Variants in WDR25 observed in about 807,000 individuals in gnomAD.
The protein encoded by WDR25 is WD repeat-containing protein 25.
A neutral mutation model predicts 47.7 loss-of-function variants in WDR25; 35 were observed. The ratio of observed to expected loss-of-function variants is 0.73; its 90% CI spans 0.56 to 0.97. WDR25 has a LOEUF of 0.97. Among genes scored for constraint, WDR25 ranks in the 50% least tolerant of loss-of-function variants. The pLI, the probability that WDR25 is intolerant of heterozygous loss-of-function variation, is 0.00. For missense variants in WDR25, 634 were observed against 704.7 expected (o/e 0.90, Z 1.14); for synonymous variants, 248 against 278.9 (o/e 0.89, Z 1.10).
In WDR25 at chr14:100,449,394, G is replaced by A. The variant is rs960925465; in HGVS notation, c.823-18627G>A. ...AGACAGCCTGGCACTGGCCTGTGGC[G>A]GTTGCCATGGCAGCAGGACATGAGC... On this transcript the variant is annotated intron_variant, in intron 2 of 6. Coordinates refer to ENST00000402312, the MANE Select transcript of WDR25 (RefSeq NM_001161476.3). This position sits in a 1 kb window ranked among gnomAD's most constrained non-coding sequence, Gnocchi z 4.2. Among the ~76,000 whole-genome samples the A allele has an allele frequency of 5.3e-5, 8 of 152,202 alleles. No individual in the cohort carries two copies. Among genetic ancestry groups the A allele is most frequent in the Admixed American group, 2.6e-4 (4 of 15,286 alleles).
intron 4 of WDR25, among the ~76,000 whole-genome samples, chr14:100,487,137 A>T (rs1900413800): frequency 6.6e-6 from 1 of 152,126 alleles, no homozygotes; most frequent in Admixed American, 6.5e-5. Flanking sequence ...TATTCCTTTG[A>T]CTCAGGGTGT....
rs73347385 is a variant in WDR25 at position 100,429,574 on chromosome 14, A to G, written c.823-38447A>G. 4.9e-3 allele frequency among the ~76,000 whole-genome samples: 747 copies of G among 152,206 alleles called. 10 individuals are homozygous for G. Among genetic ancestry groups the G allele is most frequent in the African/African-American group, 0.017 (702 of 41,518 alleles). ...AAAATCAAGGATTCAACCCCATAAT[A>G]TAGGTGACACTGCTTGTCTTAGTCT... On this transcript the variant is annotated intron_variant, in intron 2 of 6. Transcript: ENST00000402312.
At chr14:100,382,501 G>A (rs1339880274) in intron 2 of WDR25, among the ~76,000 whole-genome samples, 1 of 152,144 alleles carries the variant, frequency 6.6e-6, no homozygotes, top group Non-Finnish European at 1.5e-5. Context: ...TGCCCTTCTG[G>A]GGACTTCTGG....
At chr14:100,491,067 C>T (rs917726740) in intron 4 of WDR25, among the ~76,000 whole-genome samples, 2 of 152,160 alleles carry the variant, frequency 1.3e-5, no homozygotes, top group Middle Eastern at 3.2e-3. Context: ...CGTGGTGGAG[C>T]CCCTGATGAT....
At chr14:100,429,596 G>C (rs1048127375) in intron 2 of WDR25, among the ~76,000 whole-genome samples, 3 of 152,146 alleles carry the variant, frequency 2.0e-5, no homozygotes, top group African/African-American at 7.2e-5. Flanking sequence ...GCTTGTCTTA[G>C]TCTGCTTGGA....
intron 2 of WDR25, among the ~76,000 whole-genome samples, chr14:100,464,758 CT>C: frequency 2.3e-5 from 1 of 43,406 alleles, no homozygotes; most frequent in Non-Finnish European, 4.2e-5. Context: ...CTCATCTCAT[CT>C]CATCTCATCT....
chr14:100,435,783 T>C (rs1474257799), intron 2 of WDR25, among the ~76,000 whole-genome samples: 1 of 152,194 alleles, frequency 6.6e-6, no homozygotes, highest in Non-Finnish European at 1.5e-5. Context: ...TCTTCATGGC[T>C]GGAAGGACAG....
In WDR25 at chr14:100,392,053, T is replaced by C. The variant is rs1410816093; in HGVS notation, c.822+10307T>C. On this transcript the variant is annotated intron_variant, in intron 2 of 6. Transcript: ENST00000402312. The surrounding 1 kb of genome is among the most constrained non-coding windows in gnomAD (Gnocchi z 4.2). ...TTTTCTTGGTCTTGGAAAATAGAGT[T>C]ATTTTTATAAGAATGTGCTATTTCT... is the stretch of plus-strand genomic sequence containing the variant. Among the ~76,000 whole-genome samples, 1 of 152,238 alleles carries C rather than the reference T, an allele frequency of 6.6e-6. No homozygotes were observed. Among genetic ancestry groups the C allele is most frequent in the Non-Finnish European group, 1.5e-5 (1 of 68,040 alleles).
chr14:100,487,360 C>A (rs1483820949), intron 4 of WDR25, among the ~76,000 whole-genome samples: 1 of 152,192 alleles, frequency 6.6e-6, no homozygotes, highest in Admixed American at 6.5e-5. Context: ...AAACTATAGC[C>A]TAAGGCTAGT....
chr14:100,444,894 C>T (rs2140252790), intron 2 of WDR25, among the ~76,000 whole-genome samples: 1 of 152,314 alleles, frequency 6.6e-6, no homozygotes, highest in Non-Finnish European at 1.5e-5. Flanking sequence ...CACTTTAATT[C>T]CCTTTAAGCT....
rs796096587 is a variant in WDR25 at position 100,517,106 on chromosome 14, G to GTTTTT, written c.1102-8741_1102-8737dup. 3.5e-4 allele frequency among the ~76,000 whole-genome samples: 23 copies of GTTTTT among 65,894 alleles called. 3 individuals are homozygous for GTTTTT. Among genetic ancestry groups the GTTTTT allele is most frequent in the African/African-American group, 1.3e-3 (18 of 13,884 alleles). 43.2% of individuals were successfully genotyped at this position (65,894 alleles called of 152,430 possible). On this transcript the variant is annotated intron_variant, in intron 4 of 6. Coordinates refer to ENST00000402312, the MANE Select transcript of WDR25 (RefSeq NM_001161476.3). ...CCACTGCACCTGACATATCTCCTCT[G>GTTTTT]TTTTTTTTTTTTTTTTTTTTTTTTT...
chr14:100,435,267 A>G (rs1021150101), intron 2 of WDR25, among the ~76,000 whole-genome samples: 1 of 152,206 alleles, frequency 6.6e-6, no homozygotes, highest in Non-Finnish European at 1.5e-5. Flanking sequence ...GGTTCATTGC[A>G]TGCCTGAGAT....
At chr14:100,467,888 G>T (rs1377083315) in intron 2 of WDR25, 133 bp from the exon 3 acceptor site, 21 of 1,189,572 alleles carry the variant, frequency 1.8e-5, no homozygotes. Context: ...TTAACATCTA[G>T]ATATAGATTT....
chr14:100,504,352 C>T (rs1358938821), intron 4 of WDR25: 2 of 152,200 alleles, frequency 1.3e-5, no homozygotes, highest in Non-Finnish European at 2.9e-5. Context: ...TTCTTTCCTA[C>T]TTTCTTTTTC....
At position 100,392,994 on chromosome 14, in the gene WDR25, G is replaced by A. The variant is rs891857462; in HGVS notation, c.822+11248G>A. ...TTTGCACTGCCACCGCAAAGCTTGC[G>A]GTGTTGGTAATAACCAACTATTTTG... On this transcript the variant is annotated intron_variant, in intron 2 of 6. Transcript: ENST00000402312. This position sits in a 1 kb window ranked among gnomAD's most constrained non-coding sequence, Gnocchi z 4.2. 6.6e-6 allele frequency among the ~76,000 whole-genome samples: 1 copy of A among 152,202 alleles called. No individual in the cohort carries two copies. The highest frequency in any genetic ancestry group is 1.5e-5 in the Non-Finnish European group (1 of 68,034).
chr14:100,451,735 G>A (rs145248594), intron 2 of WDR25, among the ~76,000 whole-genome samples: 1 of 152,250 alleles, frequency 6.6e-6, no homozygotes, highest in East Asian at 1.9e-4. Context: ...GAAGGTAAGA[G>A]AGATAAAGAG....
chr14:100,471,788 A>G (rs1033232857), intron 3 of WDR25, among the ~76,000 whole-genome samples: 2 of 152,190 alleles, frequency 1.3e-5, no homozygotes, highest in Non-Finnish European at 2.9e-5. Flanking sequence ...GCACCATTTT[A>G]TCTCATTAAT....
At position 100,418,615 on chromosome 14, in the gene WDR25, G is replaced by A. The variant is rs149281213; in HGVS notation, c.822+36869G>A. 2.8e-3 allele frequency among the ~76,000 whole-genome samples: 407 copies of A among 147,570 alleles called. 2 individuals carry two copies. The highest frequency in any genetic ancestry group is 0.018 in the Middle Eastern group (5 of 280). On this transcript the variant is annotated intron_variant, in intron 2 of 6. Transcript: ENST00000402312. The stretch of plus-strand genomic sequence containing the variant: ...TTGTGCCACTGCACTCTAGCCTGGC[G>A]ACTGAGCGAGACTCCGTCTCAAAAA...
intron 4 of WDR25, among the ~76,000 whole-genome samples, chr14:100,492,911 A>G (rs1188877320): frequency 6.6e-6 from 1 of 152,142 alleles, no homozygotes; most frequent in Non-Finnish European, 1.5e-5. Flanking sequence ...TCCTGGGCTC[A>G]AGGTATCCTC....
Sources: gnomAD v4.1 joint callset for allele counts (sites outside exome capture counted in the v4.1 genomes callset) on GRCh38, gnomAD v4.1.1 for gene constraint, Gnocchi (gnomAD v3.1) non-coding constraint, MANE v1.5 for transcripts, NCBI Gene and HGNC (gene_info 2026-07-23, HGNC 2026-07-21) for gene names.